The following PCNX2 variants were observed in gnomAD, a reference collection of about 807,000 sequenced individuals.
PCNX2 encodes the protein pecanex 2.
Under a neutral mutation model 223.8 loss-of-function variants are expected in PCNX2, and 168 were observed. The observed-to-expected ratio is 0.75, with a 90% CI of 0.66 to 0.85. PCNX2 has a LOEUF of 0.85. Among genes scored for constraint, PCNX2 ranks in the 40% least tolerant of loss-of-function variants. PCNX2 has a pLI of 0.00. For synonymous variants in PCNX2, 1,006 were observed against 1,052.6 expected, an observed-to-expected ratio of 0.96 and a Z score of 0.86; for missense variants, 2,507 against 2,675.5, an observed-to-expected ratio of 0.94 and a Z score of 1.39.
rs374450441 is a variant in PCNX2, at chr1:233,074,452, G to T, written c.4076+15609C>A. Among the ~76,000 whole-genome samples, 6 of 151,706 alleles carry T rather than the reference G, an allele frequency of 4.0e-5. No individual in the cohort carries two copies. In the East Asian group the frequency reaches 1.2e-3, roughly 29 times the overall value. Reference sequence around the variant, plus strand: ...TACTAAAAATACAAAAAAATTAGCTGGGCGTAGTGGCGGGCGCCTGTAGTC... The same window carrying T: ...TACTAAAAATACAAAAAAATTAGCTTGGCGTAGTGGCGGGCGCCTGTAGTC... On this transcript the variant is annotated intron_variant, in intron 23 of 33. Coordinates refer to ENST00000258229, the MANE Select transcript of PCNX2 (RefSeq NM_014801.4).
chr1:233,219,200 A>G (rs1235368605), intron 10 of PCNX2, among the ~76,000 whole-genome samples: 1 of 152,152 alleles, frequency 6.6e-6, no homozygotes. Flanking sequence ...GGGCTGGATC[A>G]TGTAGCCTAG....
At chr1:233,034,545 A>G (rs1671383215) in intron 25 of PCNX2, among the ~76,000 whole-genome samples, 1 of 152,192 alleles carries the variant, frequency 6.6e-6, no homozygotes, top group Admixed American at 6.5e-5. Flanking sequence ...TAGTTTTGAC[A>G]ATTCTTAAGT....
chr1:233,232,732 T>G (rs917687778), intron 9 of PCNX2: 1 of 839,298 alleles, frequency 1.2e-6, no homozygotes, highest in Non-Finnish European at 1.4e-6. Flanking sequence ...GATAGTAAAT[T>G]GTGATGTAAA....
intron 19 of PCNX2, among the ~76,000 whole-genome samples, chr1:233,157,099 G>A (rs1313151434): frequency 6.6e-6 from 1 of 152,152 alleles, no homozygotes; most frequent in African/African-American, 2.4e-5. Flanking sequence ...AATCAGGGAA[G>A]CCTGGTAGTG....
chr1:233,258,138 T>C lies in PCNX2; in HGVS notation c.1724A>G (p.Asn575Ser). The change falls in exon 5 of 34, where the codon AAC becomes AGC. Residue 575 changes from asparagine to serine, a missense_variant. Asn to Ser is a conservative substitution (Grantham distance 46). This residue lies in a region of PCNX2 where 1,031 missense variants were observed against 1,021.7 expected (regional missense o/e 1.01). Transcript: ENST00000258229. Reference sequence around the variant, plus strand: ...TAACAGGGAGACAAATTCCAGGAAGTTGGACTCATTTGGCATTTGTCCTTC... The same window carrying C: ...TAACAGGGAGACAAATTCCAGGAAGCTGGACTCATTTGGCATTTGTCCTTC... ...AKEGQMPNES[N>S]FLEFVSLLES... The C allele has an allele frequency of 6.2e-7, 1 of 1,613,996 alleles. No individual in the cohort carries two copies.
At chr1:233,217,622 G>A (rs946153473) in intron 12 of PCNX2, among the ~76,000 whole-genome samples, 21 of 152,112 alleles carry the variant, frequency 1.4e-4, no homozygotes, top group African/African-American at 3.6e-4. Context: ...AAGACTGCTC[G>A]ATCTTTGTTG....
In PCNX2 at chr1:233,083,407, A is replaced by G. The variant is rs1459002672; in HGVS notation, c.4076+6654T>C. 3.3e-5 allele frequency among the ~76,000 whole-genome samples: 5 copies of G among 152,138 alleles called. No homozygotes were observed. The East Asian group carries it at 9.7e-4, about 29-fold the overall frequency. On this transcript the variant is annotated intron_variant, in intron 23 of 33. Coordinates refer to ENST00000258229, the MANE Select transcript of PCNX2 (RefSeq NM_014801.4). ...ATCCAGGTGATATCACAAGGAGCCG[A>G]TTCAACTCAATGAAGAGCTCACAGC...
intron 25 of PCNX2, among the ~76,000 whole-genome samples, chr1:233,052,946 AC>A (rs1376552500): frequency 6.6e-6 from 1 of 151,044 alleles, no homozygotes; most frequent in East Asian, 2.0e-4. Flanking sequence ...TTCTGATTCC[AC>A]CTCCCAGTCT....
chr1:233,009,263 T>C (rs1489305658), intron 28 of PCNX2, among the ~76,000 whole-genome samples: 2 of 152,236 alleles, frequency 1.3e-5, no homozygotes, highest in Non-Finnish European at 2.9e-5. Flanking sequence ...TCACTGATAC[T>C]GTTATTGTTA....
intron 10 of PCNX2, among the ~76,000 whole-genome samples, chr1:233,220,028 C>A (rs1380557367): frequency 1.3e-5 from 2 of 152,156 alleles, no homozygotes; most frequent in Non-Finnish European, 2.9e-5. Context: ...ATAGTTGGAA[C>A]CATACGGTAT....
chr1:233,244,174 T>G (rs1014939763), intron 8 of PCNX2, among the ~76,000 whole-genome samples: 4 of 152,208 alleles, frequency 2.6e-5, no homozygotes, highest in African/African-American at 4.8e-5. Flanking sequence ...TACAGAAGTA[T>G]TATCTGCATT....
chr1:233,087,292 G>A (rs1673654680), intron 23 of PCNX2: 1 of 814,678 alleles, frequency 1.2e-6, no homozygotes, highest in African/African-American at 1.9e-5. Context: ...CAGGAGAGGG[G>A]ACTGCTAGGT....
intron 10 of PCNX2, among the ~76,000 whole-genome samples, chr1:233,224,113 G>A (rs545998130): frequency 6.6e-5 from 10 of 152,232 alleles, no homozygotes; most frequent in South Asian, 2.1e-4. Context: ...ATCCTAGCAC[G>A]GAACAGGTGC....
chr1:233,055,153 A>T (rs537477463), intron 24 of PCNX2, among the ~76,000 whole-genome samples: 3 of 152,204 alleles, frequency 2.0e-5, no homozygotes, highest in Non-Finnish European at 4.4e-5. Context: ...TTGTGTGAAT[A>T]TGACTCTCCC....
intron 28 of PCNX2, among the ~76,000 whole-genome samples, chr1:233,012,795 G>A (rs1048124629): frequency 6.6e-6 from 1 of 152,164 alleles, no homozygotes; most frequent in Non-Finnish European, 1.5e-5. Flanking sequence ...GATATGAACT[G>A]AGATAATATT....
intron 3 of PCNX2, 99 bp from the exon 4 acceptor site, chr1:233,261,420 T>G (rs1164165298): frequency 9.0e-7 from 1 of 1,107,468 alleles, no homozygotes; most frequent in Non-Finnish European, 1.4e-6. Flanking sequence ...ATTTTCTAAA[T>G]GGCATGTAGG....
chr1:233,321,672 A>G, the PCNX2 span, among the ~76,000 whole-genome samples: 7 of 152,182 alleles, frequency 4.6e-5, no homozygotes, highest in African/African-American at 1.7e-4. Context: ...ATTTTGTCAT[A>G]TAGAATATTA....
intron 23 of PCNX2, chr1:233,086,862 T>C (rs1572089545): frequency 4.4e-6 from 1 of 228,424 alleles, no homozygotes; most frequent in African/African-American, 2.3e-5. Flanking sequence ...TTCTCCGTTT[T>C]CCTCAGGCAC....
rs201504159 is a variant in PCNX2, at chr1:233,057,248, T to G, written c.4119A>C (p.Gln1373His). 1 of 1,608,732 alleles carries G rather than the reference T, an allele frequency of 6.2e-7. No homozygotes were observed. The highest frequency in any genetic ancestry group is 1.3e-5 in the African/African-American group (1 of 74,866). Residue 1373 changes from glutamine to histidine, a missense_variant, in exon 24 of 34, where the codon CAA (glutamine) becomes CAC (histidine). Around this residue, in one of 3 missense-constraint regions of PCNX2, gnomAD observed 1,372 missense variants for 1,509.4 expected, o/e 0.91. Transcript: ENST00000258229. ...TCTTCTTACCTGGATCTCTTTCAATTTGGACTGCCAGTCTTGTGTTGGAAT... is the reference window on the plus strand; with the variant it reads ...TCTTCTTACCTGGATCTCTTTCAATGTGGACTGCCAGTCTTGTGTTGGAAT... ...VDNSNTRLAVQIERDPGNDDN... is the reference protein window; with the variant it reads ...VDNSNTRLAVHIERDPGNDDN...
Sources: gnomAD v4.1 joint callset for allele counts (sites outside exome capture counted in the v4.1 genomes callset) on GRCh38, gnomAD v4.1.1 for gene constraint, gnomAD v4.1.1 regional missense constraint, MANE v1.5 for transcripts, NCBI Gene and HGNC (gene_info 2026-07-23, HGNC 2026-07-21) for gene names.